Variants in PRPF8 observed in about 807,000 individuals in gnomAD.
PRPF8 encodes the protein pre-mRNA processing factor 8, also known as pre-mRNA-processing-splicing factor 8.
In PRPF8, 64 loss-of-function variants were observed where a neutral mutation model predicts 285.9. The ratio of observed to expected loss-of-function variants is 0.22; its 90% CI spans 0.18 to 0.28. PRPF8 has a LOEUF of 0.28. Among genes scored for constraint, PRPF8 ranks in the 10% least tolerant of loss-of-function variants. The pLI is 1.00. For missense variants in PRPF8, 1,426 were observed against 3,026.7 expected (o/e 0.47, Z 12.41); for synonymous variants, 1,325 against 1,118.2 (o/e 1.18, Z -3.69).
Position 1,678,505 on chromosome 17 carries a change from G to C in PRPF8, c.1854+13C>G. The C allele has an allele frequency of 1.2e-6, 2 of 1,614,136 alleles. No individual in the cohort carries two copies. Among genetic ancestry groups the C allele is most frequent in the Non-Finnish European group, 8.5e-7 (1 of 1,180,024 alleles). ...TCTCAAAAAAAAGAAAGTCAGTAAA[G>C]TCAAGGTCTCACCGTGTTGAAACGA... On this transcript the variant is annotated intron_variant, in intron 13 of 42. Transcript: ENST00000304992.
Position 1,684,380 on chromosome 17 carries a change from AG to A in PRPF8, c.100+91del, listed in dbSNP as rs1567694656. The A allele has an allele frequency of 6.4e-6, 8 of 1,253,056 alleles. No individual in the cohort carries two copies. In the African/African-American group the frequency reaches 1.2e-4, roughly 19 times the overall value. 77.6% of individuals were successfully genotyped at this position (1,253,056 alleles called of 1,614,324 possible). The stretch of plus-strand genomic sequence containing the variant: ...ATAACAAGGGAGCTGACACCTCAGG[AG>A]CTGCCCAAACGGGGAGGGTCCCCAC... On this transcript the variant is annotated intron_variant, in intron 2 of 42. Coordinates refer to ENST00000304992, the MANE Select transcript of PRPF8 (RefSeq NM_006445.4).
chr17:1,677,495 C>G, intron 14 of PRPF8, 70 bp downstream of exon 14: 2 of 1,608,872 alleles, frequency 1.2e-6, no homozygotes, highest in Non-Finnish European at 1.7e-6. Context: ...GAGCAGGGAA[C>G]AGACTCAAAC....
At position 1,661,876 on chromosome 17, in the gene PRPF8, G is replaced by C. The variant is rs1449566186; in HGVS notation, c.4022+30C>G. The C allele has an allele frequency of 6.2e-7, 1 of 1,614,040 alleles. No homozygotes were observed. Among genetic ancestry groups the C allele is most frequent in the Non-Finnish European group, 8.5e-7 (1 of 1,180,042 alleles). Reference sequence around the variant, plus strand: ...ACTTCCCTTAGGGCCTGAGCAATAGGGTTTAGAAATACGTTGAACCAGGCT... The same window carrying C: ...ACTTCCCTTAGGGCCTGAGCAATAGCGTTTAGAAATACGTTGAACCAGGCT... On this transcript the variant is annotated intron_variant, in intron 25 of 42. Coordinates refer to ENST00000304992, the MANE Select transcript of PRPF8 (RefSeq NM_006445.4). The surrounding 1 kb of genome is among the most constrained non-coding windows in gnomAD (Gnocchi z 7.3).
At chr17:1,683,758 T>C (rs1175331809) in intron 2 of PRPF8, 57 bp from the exon 3 acceptor site, 23 of 1,602,718 alleles carry the variant, frequency 1.4e-5, no homozygotes, top group East Asian at 4.5e-5. Context: ...CCTCTTCACC[T>C]CTTGCCCTAG....
At chr17:1,683,809 C>G in intron 2 of PRPF8, 108 bp from the exon 3 acceptor site, 6 of 1,358,690 alleles carry the variant, frequency 4.4e-6, no homozygotes. Context: ...AAGCAGGCAC[C>G]AGCAGGAAGA....
Position 1,679,543 on chromosome 17 carries a change from AC to A in PRPF8, c.1289+65del. On this transcript the variant is annotated intron_variant, in intron 9 of 42. Coordinates refer to ENST00000304992, the MANE Select transcript of PRPF8 (RefSeq NM_006445.4). This position sits in a 1 kb window ranked among gnomAD's most constrained non-coding sequence, Gnocchi z 4.7. ...AATTTAAAAAAAAGGCTACATGCCC[AC>A]CTAGTTGGAGTCTTTTCTCCTACAC... is the stretch of plus-strand genomic sequence containing the variant. 1 of 1,601,000 alleles carries A rather than the reference AC, an allele frequency of 6.2e-7. No individual in the cohort carries two copies. Among genetic ancestry groups the A allele is most frequent in the Non-Finnish European group, 8.5e-7 (1 of 1,175,386 alleles).
chr17:1,650,883 G>A lies in PRPF8; in HGVS notation c.6927C>T (p.His2309=). The change falls in exon 43 of 43, where the codon CAC becomes CAT. Residue 2309 remains histidine, a synonymous_variant. Coordinates refer to ENST00000304992, the MANE Select transcript of PRPF8 (RefSeq NM_006445.4). ...CAAAGTTGAGGAAGTGAGAGGGCCT[G>A]TGCACCTCGTGGTAGAACTCTTTGG... is the stretch of plus-strand genomic sequence containing the variant. ...ANPKEFYHEV[H]RPSHFLNFAL... is the part of the protein sequence containing the mutation. The A allele has an allele frequency of 6.2e-7, 1 of 1,614,180 alleles. No individual in the cohort carries two copies. Among genetic ancestry groups the A allele is most frequent in the Non-Finnish European group, 8.5e-7 (1 of 1,180,030 alleles).
At chr17:1,669,447 CCTT>C (rs901660559) in intron 24 of PRPF8, among the ~76,000 whole-genome samples, 8 of 152,106 alleles carry the variant, frequency 5.3e-5, no homozygotes, top group Non-Finnish European at 8.8e-5. Context: ...CTACTGGGCT[CCTT>C]AATTAAAACA....
chr17:1,670,748 A>G (rs1180156636), intron 24 of PRPF8, among the ~76,000 whole-genome samples: 1 of 152,066 alleles, frequency 6.6e-6, no homozygotes, highest in Non-Finnish European at 1.5e-5. Context: ...GGGCCTCCCA[A>G]AGTGCTGGGA....
Position 1,676,392 on chromosome 17 carries a change from A to G in PRPF8, c.2389-22T>C. The stretch of plus-strand genomic sequence containing the variant: ...CGTCCTGTAAGGTGGACATGAAATT[A>G]GCCTCCCGCTACAGCCCGATCCTGC... On this transcript the variant is annotated intron_variant, in intron 16 of 42. Coordinates refer to ENST00000304992, the MANE Select transcript of PRPF8 (RefSeq NM_006445.4). The surrounding 1 kb of genome is among the most constrained non-coding windows in gnomAD (Gnocchi z 6.3). 2 of 1,614,082 alleles carry G rather than the reference A, an allele frequency of 1.2e-6. No individual in the cohort carries two copies. Among genetic ancestry groups the G allele is most frequent in the African/African-American group, 2.7e-5 (2 of 75,026 alleles).
rs762051164 is a variant in PRPF8, at chr17:1,673,888, T to C, written c.3304A>G (p.Thr1102Ala). ...IDRIHIFFRF[T>A]ADEARDLIQR... ...ATCAGGTCCCGAGCCTCATCTGCTG[T>C]GAACCTACACCAGACCAGGTACACT... Residue 1102 changes from threonine (T) to alanine (A), a missense_variant, in exon 22 of 43, where the codon ACA (threonine) becomes GCA (alanine). Transcript: ENST00000304992. This position sits in a 1 kb window ranked among gnomAD's most constrained non-coding sequence, Gnocchi z 5.5. The C allele has an allele frequency of 6.2e-7, 1 of 1,613,156 alleles. No individual in the cohort carries two copies. The highest frequency in any genetic ancestry group is 8.5e-7 in the Non-Finnish European group (1 of 1,180,024).
In PRPF8 at chr17:1,676,691, G is replaced by T; in HGVS notation, c.2202C>A (p.Pro734=). Residue 734 remains proline (P), a synonymous_variant, in exon 16 of 43, where the codon CCC becomes CCA. Transcript: ENST00000304992. The surrounding 1 kb of genome is among the most constrained non-coding windows in gnomAD (Gnocchi z 6.3). ...IPWKVPGLPT[P]IENMILRYVK... ...CGTATCGAAGGATCATATTCTCTAT[G>T]GGCGTCGGCAGCCCAGGGACCTAAA... The T allele has an allele frequency of 6.2e-7, 1 of 1,614,068 alleles. No homozygotes were observed. The highest frequency in any genetic ancestry group is 8.5e-7 in the Non-Finnish European group (1 of 1,180,012).
intron 24 of PRPF8, among the ~76,000 whole-genome samples, chr17:1,666,527 G>A (rs1911993103): frequency 6.8e-6 from 1 of 146,944 alleles, no homozygotes; most frequent in South Asian, 2.1e-4. Context: ...CACCAACCTG[G>A]GTCATAGAGA....
chr17:1,671,867 A>T (rs1175360776), intron 24 of PRPF8, among the ~76,000 whole-genome samples: 1 of 150,906 alleles, frequency 6.6e-6, no homozygotes, highest in African/African-American at 2.4e-5. Context: ...AAAAAAAAAA[A>T]AAAAAAAATT....
At position 1,684,459 on chromosome 17, in the gene PRPF8, A is replaced by T; in HGVS notation, c.100+13T>A. 5.0e-6 allele frequency: 8 copies of T among 1,611,652 alleles called. No homozygotes were observed. The highest frequency in any genetic ancestry group is 6.8e-6 in the Non-Finnish European group (8 of 1,179,338). On this transcript the variant is annotated intron_variant, in intron 2 of 42. Transcript: ENST00000304992. ...GCCTCCGGCCCGCGCGCCGCTCCACACTCTCGCCTCACCTTTCTCCTGCAG... is the reference window on the plus strand; with the variant it reads ...GCCTCCGGCCCGCGCGCCGCTCCACTCTCTCGCCTCACCTTTCTCCTGCAG...
chr17:1,675,777 G>C lies in PRPF8; in HGVS notation c.2715C>G (p.Leu905=). Reference sequence around the variant, plus strand: ...GGGGCTCAACATCATATACTGGAACGAGGTGGCTATACAGATCCATGAACT... The same window carrying C: ...GGGGCTCAACATCATATACTGGAACCAGGTGGCTATACAGATCCATGAACT... The part of the protein sequence containing the change: ...GIEFMDLYSH[L]VPVYDVEPLE... The change falls in exon 19 of 43, where the codon CTC becomes CTG. Residue 905 remains leucine, a synonymous_variant. Transcript: ENST00000304992. The surrounding 1 kb of genome is among the most constrained non-coding windows in gnomAD (Gnocchi z 6.0). 2 of 1,614,148 alleles carry C rather than the reference G, an allele frequency of 1.2e-6. No homozygotes were observed. Among genetic ancestry groups the C allele is most frequent in the African/African-American group, 1.3e-5 (1 of 75,026 alleles).
rs771299631 is a variant in PRPF8 at position 1,681,567 on chromosome 17, A to G, written c.777T>C (p.Asp259=). Residue 259 remains aspartate (D), a synonymous_variant, in exon 6 of 43, where the codon GAT becomes GAC. Coordinates refer to ENST00000304992, the MANE Select transcript of PRPF8 (RefSeq NM_006445.4). ...LVDDNYFYLF[D]LKAFFTSKAL... is the part of the protein sequence containing the mutation. Reference sequence around the variant, plus strand: ...CCTTGGACGTAAAGAAGGCCTTCAAATCAAACAGGTAGAAGTAGTTGTCAT... The same window carrying G: ...CCTTGGACGTAAAGAAGGCCTTCAAGTCAAACAGGTAGAAGTAGTTGTCAT... 6.2e-7 allele frequency: 1 copy of G among 1,614,004 alleles called. No individual in the cohort carries two copies. The highest frequency in any genetic ancestry group is 8.5e-7 in the Non-Finnish European group (1 of 1,179,876).
In PRPF8 at chr17:1,675,470, A is replaced by C; in HGVS notation, c.2873-131T>G. 1 of 1,450,808 alleles carries C rather than the reference A, an allele frequency of 6.9e-7. No individual in the cohort carries two copies. Among genetic ancestry groups the C allele is most frequent in the Admixed American group, 1.7e-5 (1 of 59,660 alleles). The allele number at this position is 1,450,808 out of a possible 1,614,324, so 89.9% of individuals were successfully genotyped here. Reference sequence around the variant, plus strand: ...CGTATTCATTTGGATTGCTTTGACTATGGGCTTTTCCTCAGTTTAACACGA... The same window carrying C: ...CGTATTCATTTGGATTGCTTTGACTCTGGGCTTTTCCTCAGTTTAACACGA... On this transcript the variant is annotated intron_variant, in intron 19 of 42. Coordinates refer to ENST00000304992, the MANE Select transcript of PRPF8 (RefSeq NM_006445.4). This position sits in a 1 kb window ranked among gnomAD's most constrained non-coding sequence, Gnocchi z 6.0.
intron 39 of PRPF8, chr17:1,652,628 C>T (rs1911146093): frequency 6.5e-6 from 1 of 153,026 alleles, no homozygotes; most frequent in Non-Finnish European, 1.5e-5. Flanking sequence ...TCACTACACT[C>T]ACCACCCTCC....
Sources: gnomAD v4.1 joint callset for allele counts (sites outside exome capture counted in the v4.1 genomes callset) on GRCh38, gnomAD v4.1.1 for gene constraint, Gnocchi (gnomAD v3.1) non-coding constraint, MANE v1.5 for transcripts, NCBI Gene and HGNC (gene_info 2026-07-23, HGNC 2026-07-21) for gene names.